Variants in LCLAT1 observed in about 807,000 individuals in gnomAD.
The protein encoded by LCLAT1 is 1-AGP acyltransferase 8.
Under a neutral mutation model 30.7 loss-of-function variants are expected in LCLAT1, and 11 were observed. The observed-to-expected ratio is 0.36, with a 90% CI of 0.23 to 0.59. The LOEUF (loss-of-function observed/expected upper bound fraction) is 0.59. Among genes scored for constraint, LCLAT1 ranks in the 20% least tolerant of loss-of-function variants. The pLI is 0.77. For synonymous variants in LCLAT1, 155 were observed against 151.3 expected (o/e 1.02, Z -0.18); for missense variants, 402 against 458.6 (o/e 0.88, Z 1.13).
At chr2:30,591,838 A>C (rs978800149) in intron 5 of LCLAT1, among the ~76,000 whole-genome samples, 1 of 152,206 alleles carries the variant, frequency 6.6e-6, no homozygotes, top group African/African-American at 2.4e-5. Context: ...ATACACCTTG[A>C]AAATTGGCTT....
At chr2:30,499,986 C>T (rs1684294730) in intron 1 of LCLAT1, among the ~76,000 whole-genome samples, 1 of 152,000 alleles carries the variant, frequency 6.6e-6, no homozygotes, top group South Asian at 2.1e-4. Flanking sequence ...TTTTAATAGC[C>T]AAGCAGATGT....
chr2:30,604,491 T>C (rs913578159), intron 5 of LCLAT1, among the ~76,000 whole-genome samples: 6 of 152,060 alleles, frequency 3.9e-5, no homozygotes, highest in African/African-American at 1.4e-4. Context: ...TGTGTTCCAA[T>C]AAAACTTTAT....
intron 5 of LCLAT1, among the ~76,000 whole-genome samples, chr2:30,636,096 T>G (rs1010740103): frequency 6.6e-5 from 10 of 152,294 alleles, no homozygotes; most frequent in African/African-American, 2.2e-4. Flanking sequence ...TGAACAAGCT[T>G]CTTCTTAGAA....
intron 5 of LCLAT1, among the ~76,000 whole-genome samples, chr2:30,635,264 TAA>T (rs1026710655): frequency 6.7e-6 from 1 of 149,962 alleles, no homozygotes; most frequent in African/African-American, 2.4e-5. Flanking sequence ...ATATATAAAA[TAA>T]AAGTATCAAG....
chr2:30,597,039 A>G (rs1313413136), intron 5 of LCLAT1, among the ~76,000 whole-genome samples: 2 of 139,704 alleles, frequency 1.4e-5, no homozygotes, highest in African/African-American at 2.7e-5. Context: ...TATTTTGGTT[A>G]CTGTAGCCCT....
chr2:30,610,911 C>A (rs981589968), intron 5 of LCLAT1, among the ~76,000 whole-genome samples: 1 of 151,896 alleles, frequency 6.6e-6, no homozygotes, highest in African/African-American at 2.4e-5. Flanking sequence ...ATTTCCTCAC[C>A]TGTTACCATC....
chr2:30,465,410 C>A (rs996359703), intron 1 of LCLAT1, among the ~76,000 whole-genome samples: 2 of 152,154 alleles, frequency 1.3e-5, no homozygotes, highest in Non-Finnish European at 2.9e-5. Context: ...AATGATACTG[C>A]TTTCAGACTT....
At position 30,508,796 on chromosome 2, in the gene LCLAT1, C is replaced by A. The variant is rs988831567; in HGVS notation, c.-4-16791C>A. Among the ~76,000 whole-genome samples, 3 of 151,984 alleles carry A rather than the reference C, an allele frequency of 2.0e-5. No homozygotes were observed. The South Asian group carries it at 6.2e-4, about 31-fold the overall frequency. On this transcript the variant is annotated intron_variant, in intron 1 of 5. Transcript: ENST00000379509. ...TTTTTAAAATAGTTTTTTTCTAGTT[C>A]TGTGAAGAATGTCATTGGTTGTTTA...
chr2:30,621,292 AAATTCC>A (rs1668235419), intron 5 of LCLAT1, among the ~76,000 whole-genome samples: 1 of 152,148 alleles, frequency 6.6e-6, no homozygotes, highest in Non-Finnish European at 1.5e-5. Context: ...TGTTCCCCCA[AAATTCC>A]TATATTGAGG....
intron 5 of LCLAT1, among the ~76,000 whole-genome samples, chr2:30,633,879 A>C (rs1668889746): frequency 6.6e-6 from 1 of 152,238 alleles, no homozygotes. Flanking sequence ...TGTACTATGC[A>C]TGTAGAGACT....
At chr2:30,502,080 A>G (rs907163143) in intron 1 of LCLAT1, among the ~76,000 whole-genome samples, 1 of 152,204 alleles carries the variant, frequency 6.6e-6, no homozygotes, top group Non-Finnish European at 1.5e-5. Context: ...TGGAAAATAA[A>G]AGTTAGGGAG....
chr2:30,494,065 A>G (rs1683975735), intron 1 of LCLAT1, among the ~76,000 whole-genome samples: 1 of 152,034 alleles, frequency 6.6e-6, no homozygotes, highest in African/African-American at 2.4e-5. Flanking sequence ...AGAAGAATAA[A>G]AAAATAATTG....
At chr2:30,530,413 A>G (rs376559190) in intron 2 of LCLAT1, among the ~76,000 whole-genome samples, 5 of 152,342 alleles carry the variant, frequency 3.3e-5, no homozygotes, top group Admixed American at 1.3e-4. Context: ...TGGTATTACA[A>G]CCAATTAATG....
chr2:30,614,629 G>C (rs1481501513), intron 5 of LCLAT1, among the ~76,000 whole-genome samples: 1 of 152,166 alleles, frequency 6.6e-6, no homozygotes, highest in African/African-American at 2.4e-5. Flanking sequence ...GCCATGTTAA[G>C]TTTGAGCTAC....
In LCLAT1 at chr2:30,580,736, G is replaced by C. The variant is rs560293262; in HGVS notation, c.628+12560G>C. Among the ~76,000 whole-genome samples the C allele has an allele frequency of 5.3e-5, 8 of 152,264 alleles. No homozygotes were observed. In the East Asian group the frequency reaches 1.4e-3, roughly 26 times the overall value. ...AGGATAGGAGCAGAAATCAGGTTAA[G>C]AGGGACTCCTCATTTTGTAAGGCAG... On this transcript the variant is annotated intron_variant, in intron 5 of 5. Transcript: ENST00000379509.
intron 5 of LCLAT1, 89 bp downstream of exon 5, chr2:30,568,265 T>G: frequency 1.7e-6 from 1 of 589,076 alleles, no homozygotes; most frequent in Non-Finnish European, 3.0e-6. Context: ...TGTAAAGGAT[T>G]TTTTACTACT....
chr2:30,618,341 A>C (rs1028056529), intron 5 of LCLAT1, among the ~76,000 whole-genome samples: 16 of 152,188 alleles, frequency 1.1e-4, no homozygotes, highest in African/African-American at 3.1e-4. Context: ...GAATCTGTAG[A>C]GCATTTTAGA....
intron 1 of LCLAT1, among the ~76,000 whole-genome samples, chr2:30,516,274 A>G (rs758676338): frequency 2.6e-5 from 4 of 152,058 alleles, no homozygotes; most frequent in Non-Finnish European, 5.9e-5. Context: ...TTGCAACTGC[A>G]CACTCTTCTG....
chr2:30,481,802 A>G (rs1296511928), intron 1 of LCLAT1, among the ~76,000 whole-genome samples: 3 of 152,138 alleles, frequency 2.0e-5, no homozygotes, highest in Non-Finnish European at 4.4e-5. Flanking sequence ...ATCAGTTTAG[A>G]TGTATACTTT....
Sources: allele counts gnomAD v4.1 joint callset (sites outside exome capture counted in the v4.1 genomes callset), GRCh38; gene constraint gnomAD v4.1.1; transcripts MANE v1.5; gene names NCBI Gene and HGNC (gene_info 2026-07-23, HGNC 2026-07-21).